Variants in CADM2 observed in about 807,000 individuals in gnomAD.
CADM2 encodes immunoglobulin superfamily member 4D.
A neutral mutation model predicts 49.8 loss-of-function variants in CADM2; 12 were observed. That is an observed-to-expected ratio of 0.24 (90% CI 0.15 to 0.39). The LOEUF is 0.39. Ranked by LOEUF, CADM2 falls within the 10% of genes least tolerant of loss-of-function variation. The pLI is 1.00. For missense variants in CADM2, 378 were observed against 492.3 expected, an observed-to-expected ratio of 0.77 and a Z score of 2.20; for synonymous variants, 214 against 175.4, an observed-to-expected ratio of 1.22 and a Z score of -1.74.
chr3:85,828,689 G>C (rs1275944843), intron 3 of CADM2, among the ~76,000 whole-genome samples: 1 of 151,702 alleles, frequency 6.6e-6, no homozygotes, highest in African/African-American at 2.4e-5. Flanking sequence ...CATTGATGTT[G>C]TTCTTTCAGC....
intron 1 of CADM2, among the ~76,000 whole-genome samples, chr3:85,498,146 C>G (rs1205363063): frequency 6.7e-6 from 1 of 150,280 alleles, no homozygotes. Flanking sequence ...AAAACATTTC[C>G]TTTTCATGGT....
chr3:85,679,970 T>A (rs1189891373), intron 1 of CADM2, among the ~76,000 whole-genome samples: 1 of 152,128 alleles, frequency 6.6e-6, no homozygotes, highest in Non-Finnish European at 1.5e-5. Context: ...ACAATCCATT[T>A]AATACCAGGA....
chr3:85,756,376 A>T (rs868135009), intron 2 of CADM2, among the ~76,000 whole-genome samples: 1 of 152,168 alleles, frequency 6.6e-6, no homozygotes, highest in African/African-American at 2.4e-5. Flanking sequence ...AATTCTGATT[A>T]TTGAATCCAG....
intron 3 of CADM2, among the ~76,000 whole-genome samples, chr3:85,828,268 A>G (rs2074017577): frequency 6.6e-6 from 1 of 151,994 alleles, no homozygotes; most frequent in Non-Finnish European, 1.5e-5. Context: ...AGCAGTTGTA[A>G]TATATAATAT....
chr3:85,121,076 T>A (rs914050658), intron 1 of CADM2, among the ~76,000 whole-genome samples: 7 of 152,136 alleles, frequency 4.6e-5, no homozygotes, highest in African/African-American at 1.2e-4. Flanking sequence ...CTGCCTTGAT[T>A]ATGTCTTCAG....
chr3:85,894,954 C>T (rs1715015221), intron 5 of CADM2, among the ~76,000 whole-genome samples: 1 of 152,202 alleles, frequency 6.6e-6, no homozygotes, highest in Non-Finnish European at 1.5e-5. Flanking sequence ...GCAGGGCCCT[C>T]ATGGAGAACT....
intron 8 of CADM2, chr3:85,994,035 C>T (rs779909338): frequency 6.6e-6 from 1 of 152,296 alleles, no homozygotes; most frequent in African/African-American, 2.4e-5. Flanking sequence ...TTCTTAGAAG[C>T]TTTGAAGTCA....
At chr3:86,016,842 A>G (rs1285397532) in intron 8 of CADM2, among the ~76,000 whole-genome samples, 1 of 152,202 alleles carries the variant, frequency 6.6e-6, no homozygotes, top group Non-Finnish European at 1.5e-5. Flanking sequence ...TATAACAAAG[A>G]AAACAGAAAT....
At chr3:85,034,591 TC>T (rs572368665) in intron 1 of CADM2, among the ~76,000 whole-genome samples, 2 of 152,038 alleles carry the variant, frequency 1.3e-5, no homozygotes, top group Non-Finnish European at 2.9e-5. Flanking sequence ...GTATTTCCTT[TC>T]TTTTGGGTCT....
chr3:86,003,558 T>C (rs1375715449), intron 8 of CADM2, among the ~76,000 whole-genome samples: 3 of 152,180 alleles, frequency 2.0e-5, no homozygotes, highest in African/African-American at 7.2e-5. Flanking sequence ...AAATGTAAAG[T>C]GTTTAGAATA....
Position 85,948,152 on chromosome 3 carries a change from A to G in CADM2, c.791+12295A>G, listed in dbSNP as rs1722966920. Among the ~76,000 whole-genome samples, 4 of 151,558 alleles carry G rather than the reference A, an allele frequency of 2.6e-5. No homozygotes were observed. In the South Asian group the frequency reaches 8.3e-4, roughly 31 times the overall value. ...GCATTTTACTCTTTAAAGTTTGGAAACATTGCATATGTGTTTATATAGCAA... is the reference window on the plus strand; with the variant it reads ...GCATTTTACTCTTTAAAGTTTGGAAGCATTGCATATGTGTTTATATAGCAA... On this transcript the variant is annotated intron_variant, in intron 7 of 9. Transcript: ENST00000383699.
At chr3:85,907,868 G>T (rs971718336) in intron 5 of CADM2, among the ~76,000 whole-genome samples, 2 of 150,534 alleles carry the variant, frequency 1.3e-5, no homozygotes, top group African/African-American at 4.9e-5. Context: ...CCAAGATTGC[G>T]CCACTGTACT....
chr3:84,976,419 A>G (rs986574430), intron 1 of CADM2, among the ~76,000 whole-genome samples: 4 of 151,150 alleles, frequency 2.6e-5, no homozygotes, highest in Non-Finnish European at 5.9e-5. Flanking sequence ...AATTAAATAA[A>G]GCATAGTATT....
At chr3:85,791,543 A>AG (rs1491231240) in intron 2 of CADM2, among the ~76,000 whole-genome samples, 2,964 of 139,544 alleles carry the variant, frequency 0.021, 43 homozygotes, top group African/African-American at 0.05. Context: ...AGAGAGAGAG[A>AG]AAGAGAGAGA....
intron 1 of CADM2, among the ~76,000 whole-genome samples, chr3:85,107,562 TTCTC>T (rs1361221379): frequency 2.4e-5 from 3 of 123,600 alleles, no homozygotes; most frequent in East Asian, 3.9e-4. Flanking sequence ...TCTTTCTTTC[TTCTC>T]TCTTTCTCTC....
chr3:85,506,199 A>G (rs1325861424), intron 1 of CADM2, among the ~76,000 whole-genome samples: 1 of 152,198 alleles, frequency 6.6e-6, no homozygotes, highest in Non-Finnish European at 1.5e-5. Context: ...CAGCATATAC[A>G]AAGTAAACAA....
At position 86,072,290 on chromosome 3, in the gene CADM2, A is replaced by G. The variant is rs1703326226; in HGVS notation, c.*5507A>G. 2 of 151,764 alleles carry G rather than the reference A, an allele frequency of 1.3e-5. No homozygotes were observed. The highest frequency in any genetic ancestry group is 2.1e-4 in the South Asian group (1 of 4,822). The allele number at this position is 151,764 out of a possible 1,614,324, so 9.4% of individuals were successfully genotyped here. ...ATCTTCACATATTTTATATGCATAT[A>G]TATATCAAGAAGTTATATATATATA... On this transcript the variant is annotated 3_prime_UTR_variant, in exon 10 of 10. Transcript: ENST00000383699.
rs761300934 is a variant in CADM2, at chr3:85,075,226, G to GT, written c.61+115570dup. Reference sequence around the variant, plus strand: ...GTGATCAGGCCTAAGCAGTTTTTTTGTTTTTTTTTTTTAATATCATAAGGT... The same window carrying GT: ...GTGATCAGGCCTAAGCAGTTTTTTTGTTTTTTTTTTTTTAATATCATAAGGT... On this transcript the variant is annotated intron_variant, in intron 1 of 9. Transcript: ENST00000383699. Among the ~76,000 whole-genome samples the GT allele has an allele frequency of 5.2e-3, 727 of 140,822 alleles. 4 individuals carry two copies. Among genetic ancestry groups the GT allele is most frequent in the South Asian group, 0.012 (53 of 4,458 alleles). 92.4% of individuals were successfully genotyped at this position (140,822 alleles called of 152,430 possible).
intron 1 of CADM2, among the ~76,000 whole-genome samples, chr3:85,685,921 G>A (rs1370617565): frequency 4.6e-5 from 7 of 152,242 alleles, no homozygotes; most frequent in Admixed American, 3.3e-4. Flanking sequence ...ACCACGCCTG[G>A]CCTTTATTTC....
Sources: gnomAD v4.1 joint callset for allele counts (sites outside exome capture counted in the v4.1 genomes callset) on GRCh38, gnomAD v4.1.1 for gene constraint, MANE v1.5 for transcripts, NCBI Gene and HGNC (gene_info 2026-07-23, HGNC 2026-07-21) for gene names.